The following COL7A1 variants were observed in gnomAD, a reference collection of about 807,000 sequenced individuals.
COL7A1 encodes the protein collagen alpha-1(VII) chain.
In COL7A1, 296 loss-of-function variants were observed where a neutral mutation model predicts 456.2. The ratio of observed to expected loss-of-function variants is 0.65; its 90% CI spans 0.59 to 0.71. The LOEUF (loss-of-function observed/expected upper bound fraction) is 0.71. COL7A1 is among the 30% of genes least tolerant of loss of function. The pLI is 0.00. For synonymous variants in COL7A1, 1,464 were observed against 1,525.9 expected (o/e 0.96, Z 0.95); for missense variants, 3,441 against 4,017.2 (o/e 0.86, Z 3.88).
In COL7A1 at chr3:48,583,303, C is replaced by T; in HGVS notation, c.4437+90G>A. On this transcript the variant is annotated intron_variant, in intron 42 of 118. Transcript: ENST00000681320. The surrounding 1 kb of genome is among the most constrained non-coding windows in gnomAD (Gnocchi z 5.1). ...ACCACGACCTCTGACCTGGAGGGAA[C>T]TCTTATCTCCTTATCTTCCAGCCTC... is the stretch of plus-strand genomic sequence containing the variant. The T allele has an allele frequency of 2.5e-6, 4 of 1,607,820 alleles. No individual in the cohort carries two copies. The highest frequency in any genetic ancestry group is 2.2e-5 in the South Asian group (2 of 90,816).
Position 48,573,104 on chromosome 3 carries a change from A to G in COL7A1, c.6715-48T>C. 2.5e-6 allele frequency: 4 copies of G among 1,614,104 alleles called. No homozygotes were observed. Among genetic ancestry groups the G allele is most frequent in the Non-Finnish European group, 2.5e-6 (3 of 1,179,990 alleles). On this transcript the variant is annotated intron_variant, in intron 85 of 118. Transcript: ENST00000681320. This position sits in a 1 kb window ranked among gnomAD's most constrained non-coding sequence, Gnocchi z 5.5. ...TCAGGGTGACAATGGACACAGGACG[A>G]CATGAGAGAACATGGGCCCCAAGGA...
In COL7A1 at chr3:48,580,602, A is replaced by ATCTCCCTGG. The variant is rs760558831; in HGVS notation, c.5022_5030dup (p.Gln1675_Asp1677dup). 3.3e-5 allele frequency: 53 copies of ATCTCCCTGG among 1,613,696 alleles called. No individual in the cohort carries two copies. The African/African-American group carries it at 5.1e-4, about 15-fold the overall frequency. ...TCACATTTCGTCCATCCTCTCCAGG[A>ATCTCCCTGG]TCTCCCTGGTCTCCCTTTTCACCCA... is the stretch of plus-strand genomic sequence containing the variant. On this transcript the variant is annotated inframe_insertion, in exon 55 of 119. Transcript: ENST00000681320. The surrounding 1 kb of genome is among the most constrained non-coding windows in gnomAD (Gnocchi z 4.5).
chr3:48,568,244 G>A lies in COL7A1; in HGVS notation c.7795-74C>T, dbSNP rs1422857758. 8 of 1,530,450 alleles carry A rather than the reference G, an allele frequency of 5.2e-6. No homozygotes were observed. The highest frequency in any genetic ancestry group is 7.2e-6 in the Non-Finnish European group (8 of 1,113,718). 94.8% of individuals were successfully genotyped at this position (1,530,450 alleles called of 1,614,324 possible). Reference sequence around the variant, plus strand: ...CAAAGAGAATCGCCCTGGATAGTGGGTAGGGAACACCATGGGGTGGGAGTC... The same window carrying A: ...CAAAGAGAATCGCCCTGGATAGTGGATAGGGAACACCATGGGGTGGGAGTC... On this transcript the variant is annotated intron_variant, in intron 105 of 118. Transcript: ENST00000681320. The surrounding 1 kb of genome is among the most constrained non-coding windows in gnomAD (Gnocchi z 5.2).
In COL7A1 at chr3:48,568,694, C is replaced by T; in HGVS notation, c.7758+90G>A. On this transcript the variant is annotated intron_variant, in intron 104 of 118. Transcript: ENST00000681320. This position sits in a 1 kb window ranked among gnomAD's most constrained non-coding sequence, Gnocchi z 5.2. ...GGGCCGGCAGCAAGGGAGCCAGAAC[C>T]CCCAGCACTTAAGAGGACCCCCAGG... 5.4e-6 allele frequency: 8 copies of T among 1,492,360 alleles called. No homozygotes were observed. The highest frequency in any genetic ancestry group is 1.2e-5 in the South Asian group (1 of 82,888). The allele number at this position is 1,492,360 out of a possible 1,614,324, so 92.4% of individuals were successfully genotyped here.
rs1316878158 is a variant in COL7A1 at position 48,588,384 on chromosome 3, G to C, written c.2608C>G (p.Leu870Val). The C allele has an allele frequency of 2.5e-6, 4 of 1,611,198 alleles. No homozygotes were observed. Among genetic ancestry groups the C allele is most frequent in the Non-Finnish European group, 3.4e-6 (4 of 1,179,852 alleles). The part of the protein sequence containing the change: ...VTTPPEAPPA[L>V]GTLHVVQRGE... ...CGCTGCACCACGTGAAGCGTCCCCA[G>C]GGCTGGCGGAGCCTCAGGCGCTGGA... The change falls in exon 21 of 119, where the codon CTG becomes GTG. Residue 870 changes from leucine (L) to valine (V), a missense_variant. Physicochemically the swap from Leu to Val is conservative, Grantham distance 32. Coordinates refer to ENST00000681320, the MANE Select transcript of COL7A1 (RefSeq NM_000094.4). The surrounding 1 kb of genome is among the most constrained non-coding windows in gnomAD (Gnocchi z 4.6).
chr3:48,590,090 G>A lies in COL7A1; in HGVS notation c.2050+123C>T, dbSNP rs2045582314. 2 of 1,060,956 alleles carry A rather than the reference G, an allele frequency of 1.9e-6. No individual in the cohort carries two copies. Among genetic ancestry groups the A allele is most frequent in the Non-Finnish European group, 2.7e-6 (2 of 728,346 alleles). 65.7% of individuals were successfully genotyped at this position (1,060,956 alleles called of 1,614,324 possible). A position where few individuals can be genotyped will look rare whatever the true frequency, so the allele number is the denominator to read the frequency against. ...AGGAAGCAGCGTCTCTGAGGGAGGA[G>A]GGAGTGGGATTCTGAAGGGGGAGGC... On this transcript the variant is annotated intron_variant, in intron 16 of 118. Transcript: ENST00000681320. This position sits in a 1 kb window ranked among gnomAD's most constrained non-coding sequence, Gnocchi z 4.6.
At position 48,564,718 on chromosome 3, in the gene COL7A1, T is replaced by A; in HGVS notation, c.8818+65A>T. 1 of 1,543,872 alleles carries A rather than the reference T, an allele frequency of 6.5e-7. No homozygotes were observed. ...CCTGGAACCCTGGCCCAAGGACTCC[T>A]CCCCCAGAACCCGATCCAGGCAGGC... is the stretch of plus-strand genomic sequence containing the variant. On this transcript the variant is annotated intron_variant, in intron 118 of 118. Transcript: ENST00000681320. This position sits in a 1 kb window ranked among gnomAD's most constrained non-coding sequence, Gnocchi z 6.0.
chr3:48,569,448 T>A lies in COL7A1; in HGVS notation c.7615-2A>T, dbSNP rs986004460. 2.5e-6 allele frequency: 4 copies of A among 1,614,034 alleles called. No homozygotes were observed. Among genetic ancestry groups the A allele is most frequent in the Admixed American group, 3.3e-5 (2 of 60,006 alleles). On this transcript the variant is annotated splice_acceptor_variant, in intron 102 of 118. Coordinates refer to ENST00000681320, the MANE Select transcript of COL7A1 (RefSeq NM_000094.4). LOFTEE classifies it high-confidence loss of function. The surrounding 1 kb of genome is among the most constrained non-coding windows in gnomAD (Gnocchi z 4.9). ...CAAGCCCCGAGGCCCTCGTTCACCCTGGGTTGGTTTGGGTAAGAAGTCACG... is the reference window on the plus strand; with the variant it reads ...CAAGCCCCGAGGCCCTCGTTCACCCAGGGTTGGTTTGGGTAAGAAGTCACG...
At position 48,594,414 on chromosome 3, in the gene COL7A1, C is replaced by T. The variant is rs753989945; in HGVS notation, c.220G>A (p.Ala74Thr). The change falls in exon 3 of 119, where the codon GCA becomes ACA. Residue 74 changes from alanine to threonine, a missense_variant. Physicochemically the swap from Ala to Thr is moderately conservative, Grantham distance 58 (BLOSUM62 0). This residue lies in a region of COL7A1 where 913 missense variants were observed against 1,088.2 expected (regional missense o/e 0.84). Transcript: ENST00000681320. The surrounding 1 kb of genome is among the most constrained non-coding windows in gnomAD (Gnocchi z 5.5). ...LVLPFSGAAS[A>T]QGVRFATVQY... ...ACTGTGGCAAAGCGCACACCCTGTG[C>T]ACTGGCTGCTCCAGAGAAAGGCAGC... The T allele has an allele frequency of 1.2e-6, 2 of 1,611,880 alleles. No individual in the cohort carries two copies. The highest frequency in any genetic ancestry group is 4.5e-5 in the East Asian group (2 of 44,888).
In COL7A1 at chr3:48,574,331, T is replaced by A; in HGVS notation, c.6457-25A>T. The A allele has an allele frequency of 6.2e-7, 1 of 1,614,050 alleles. No individual in the cohort carries two copies. The highest frequency in any genetic ancestry group is 8.5e-7 in the Non-Finnish European group (1 of 1,179,994). On this transcript the variant is annotated intron_variant, in intron 79 of 118. Transcript: ENST00000681320. The surrounding 1 kb of genome is among the most constrained non-coding windows in gnomAD (Gnocchi z 5.0). ...CCTGCAGAGAATAGGTTTAAGGCCT[T>A]AGTTTCCCAGTTCCAACTTCCCCTC...
Position 48,575,780 on chromosome 3 carries a change from G to A in COL7A1, c.5857-32C>T. 1.2e-6 allele frequency: 2 copies of A among 1,614,028 alleles called. No individual in the cohort carries two copies. Among genetic ancestry groups the A allele is most frequent in the Non-Finnish European group, 1.7e-6 (2 of 1,180,012 alleles). ...GACAGCAAGAGGTCAGAGGAGCGGG[G>A]TGCGTCGCCGCAGCCCCTATGCCTG... On this transcript the variant is annotated intron_variant, in intron 72 of 118. Transcript: ENST00000681320. The surrounding 1 kb of genome is among the most constrained non-coding windows in gnomAD (Gnocchi z 6.3).
rs779725201 is a variant in COL7A1, at chr3:48,565,649, G to A, written c.8427C>T (p.Ile2809=). The A allele has an allele frequency of 2.7e-5, 43 of 1,613,738 alleles. No homozygotes were observed. The highest frequency in any genetic ancestry group is 1.1e-4 in the South Asian group (10 of 91,002). The change falls in exon 115 of 119, where the codon ATC becomes ATT. Residue 2809 remains isoleucine (I), a synonymous_variant. Transcript: ENST00000681320. This position sits in a 1 kb window ranked among gnomAD's most constrained non-coding sequence, Gnocchi z 4.5. ...SQHCACQGQF[I]ASGSRPLPSY... is the part of the protein sequence containing the mutation. ...AAAACTACTCACGTGATCCAGATGC[G>A]ATGAACTGGCCCTGGCAGGCTAGAG...
At chr3:48,589,827 G>A (rs2045566397) in intron 16 of COL7A1, 109 bp from the exon 17 acceptor site, 1 of 1,520,626 alleles carries the variant, frequency 6.6e-7, no homozygotes, top group Non-Finnish European at 9.1e-7. Context: ...TTTGATAGAG[G>A]AGATGGTGAA....
chr3:48,590,841 G>C lies in COL7A1; in HGVS notation c.1637-25C>G. 1 of 1,610,850 alleles carries C rather than the reference G, an allele frequency of 6.2e-7. No homozygotes were observed. Among genetic ancestry groups the C allele is most frequent in the Non-Finnish European group, 8.5e-7 (1 of 1,179,930 alleles). ...CCTAAGAGAGAAGTCAGGGTAGGTG[G>C]GCAGGGGTCAGAAAGAGACAGGGAT... is the stretch of plus-strand genomic sequence containing the variant. On this transcript the variant is annotated intron_variant, in intron 13 of 118. Transcript: ENST00000681320. This position sits in a 1 kb window ranked among gnomAD's most constrained non-coding sequence, Gnocchi z 4.6.
chr3:48,581,664 C>A lies in COL7A1; in HGVS notation c.4723-32G>T, dbSNP rs2044767200. 4 of 1,614,068 alleles carry A rather than the reference C, an allele frequency of 2.5e-6. No homozygotes were observed. On this transcript the variant is annotated intron_variant, in intron 49 of 118. Coordinates refer to ENST00000681320, the MANE Select transcript of COL7A1 (RefSeq NM_000094.4). This position sits in a 1 kb window ranked among gnomAD's most constrained non-coding sequence, Gnocchi z 5.8. Reference sequence around the variant, plus strand: ...ATGGAAGGATAAGAAGTCAGGAAGACAACCTTCACCAACTGCCCCCTAAAC... The same window carrying A: ...ATGGAAGGATAAGAAGTCAGGAAGAAAACCTTCACCAACTGCCCCCTAAAC...
Position 48,580,298 on chromosome 3 carries a change from A to T in COL7A1, c.5097+2T>A. ...TGAGCCCAGGACACCAGCCCTACTC[A>T]CCGGCTCCCCACGGTCACCCTTGGG... On this transcript the variant is annotated splice_donor_variant, in intron 56 of 118. Transcript: ENST00000681320. LOFTEE classifies it high-confidence loss of function. This position sits in a 1 kb window ranked among gnomAD's most constrained non-coding sequence, Gnocchi z 4.5. The T allele has an allele frequency of 6.2e-7, 1 of 1,609,996 alleles. No homozygotes were observed. Among genetic ancestry groups the T allele is most frequent in the Non-Finnish European group, 8.5e-7 (1 of 1,178,188 alleles).
Position 48,581,484 on chromosome 3 carries a change from C to T in COL7A1, c.4783-1G>A, listed in dbSNP as rs371908708. 3.1e-6 allele frequency: 5 copies of T among 1,613,986 alleles called. No homozygotes were observed. Among genetic ancestry groups the T allele is most frequent in the Non-Finnish European group, 4.2e-6 (5 of 1,180,016 alleles). On this transcript the variant is annotated splice_acceptor_variant, in intron 50 of 118. Coordinates refer to ENST00000681320, the MANE Select transcript of COL7A1 (RefSeq NM_000094.4). LOFTEE classifies it high-confidence loss of function. This position sits in a 1 kb window ranked among gnomAD's most constrained non-coding sequence, Gnocchi z 5.8. ...CTCTGCCAGTAAGGCCAATGGGACC[C>T]TGAAGGGGACAGAAGGGGGGCAGGA... is the stretch of plus-strand genomic sequence containing the variant.
Position 48,583,272 on chromosome 3 carries a change from T to C in COL7A1, c.4438-101A>G, listed in dbSNP as rs1039905069. On this transcript the variant is annotated intron_variant, in intron 42 of 118. Coordinates refer to ENST00000681320, the MANE Select transcript of COL7A1 (RefSeq NM_000094.4). The surrounding 1 kb of genome is among the most constrained non-coding windows in gnomAD (Gnocchi z 5.1). ...GGGGTCCCAAACTCCAACCACCCCC[T>C]CCAAAACCACGACCTCTGACCTGGA... 1.2e-6 allele frequency: 2 copies of C among 1,603,222 alleles called. No individual in the cohort carries two copies. Among genetic ancestry groups the C allele is most frequent in the African/African-American group, 1.3e-5 (1 of 74,430 alleles).
Position 48,571,251 on chromosome 3 carries a change from CT to C in COL7A1, c.7095del (p.Gly2366ValfsTer22), listed in dbSNP as rs1560204627. 6.2e-7 allele frequency: 1 copy of C among 1,614,192 alleles called. No homozygotes were observed. Among genetic ancestry groups the C allele is most frequent in the Non-Finnish European group, 8.5e-7 (1 of 1,180,034 alleles). On this transcript the variant is annotated frameshift_variant, in exon 93 of 119. Coordinates refer to ENST00000681320, the MANE Select transcript of COL7A1 (RefSeq NM_000094.4). LOFTEE classifies it high-confidence loss of function. The surrounding 1 kb of genome is among the most constrained non-coding windows in gnomAD (Gnocchi z 4.6). ...CTTCTGGGTACACATACCTTGAAAC[CT>C]TTGGGTCCTGGAGCCCCTTTCTGAC... ...EDGQKGAPGP[K>X]GFKGDPGVGV...
Sources: allele counts gnomAD v4.1 joint callset, GRCh38; gene constraint gnomAD v4.1.1; regional missense constraint gnomAD v4.1.1; non-coding constraint Gnocchi (gnomAD v3.1); transcripts MANE v1.5; gene names NCBI Gene and HGNC (gene_info 2026-07-23, HGNC 2026-07-21).